The following PROK2 variants were observed in gnomAD, a reference collection of about 807,000 sequenced individuals.
The protein encoded by PROK2 is prokineticin-2.
A neutral mutation model predicts 14.2 loss-of-function variants in PROK2; 8 were observed. That is an observed-to-expected ratio of 0.56 (90% CI 0.33 to 1.02). PROK2 has a LOEUF of 1.02. Among genes scored for constraint, PROK2 ranks in the 50% least tolerant of loss-of-function variants. The pLI is 0.03. For synonymous variants in PROK2, 59 were observed against 60.7 expected (o/e 0.97, Z 0.13); for missense variants, 154 against 160.4 (o/e 0.96, Z 0.22).
chr3:71,773,904 G>C (rs1244310813), intron 3 of PROK2, among the ~76,000 whole-genome samples: 3 of 152,174 alleles, frequency 2.0e-5, no homozygotes, highest in African/African-American at 7.2e-5. Flanking sequence ...AATAAAGATA[G>C]CAAATGTTAT....
At chr3:71,776,363 C>CCTTTTTT (rs2050118816) in intron 2 of PROK2, among the ~76,000 whole-genome samples, 4 of 92,068 alleles carry the variant, frequency 4.3e-5, no homozygotes, top group African/African-American at 1.8e-4. Flanking sequence ...TTTCGCTTTT[C>CCTTTTTT]ATTTTTTTTT....
exon 1 of PROK2, chr3:71,785,142 GCGCGGCGGCTCCCGCGAGCCTCCGGGC>G: frequency 1.1e-6 from 1 of 887,946 alleles, no homozygotes; most frequent in Non-Finnish European, 1.5e-6. Flanking sequence ...GGGCGGACGG[GCGCGGCGGCTCCCGCGAGCCTCCGGGC>G]CGTTATAAAG....
intron 1 of PROK2, among the ~76,000 whole-genome samples, chr3:71,782,346 A>T (rs1306631641): frequency 6.6e-6 from 1 of 152,224 alleles, no homozygotes; most frequent in African/African-American, 2.4e-5. Flanking sequence ...AAGATCCATC[A>T]AATTAAGAAA....
chr3:71,782,521 C>A (rs2050168108), intron 1 of PROK2, among the ~76,000 whole-genome samples: 1 of 152,146 alleles, frequency 6.6e-6, no homozygotes, highest in Non-Finnish European at 1.5e-5. Flanking sequence ...GAAAATGGAT[C>A]TGAAGAACTA....
rs2050086293 is a variant in PROK2 at position 71,772,386 on chromosome 3, G to T, written c.*338C>A. On this transcript the variant is annotated 3_prime_UTR_variant, in exon 4 of 4. Coordinates refer to ENST00000295619, the MANE Select transcript of PROK2 (RefSeq NM_001126128.2). ...GGGGTGGTGAGAAAAAAAAAAAAAA[G>T]TTTTTCTAACAAAATATCAAATTCT... The T allele has an allele frequency of 2.0e-5, 5 of 250,532 alleles. No homozygotes were observed. The highest frequency in any genetic ancestry group is 1.5e-4 in the South Asian group (3 of 19,530). The allele number at this position is 250,532 out of a possible 1,614,324, so 15.5% of individuals were successfully genotyped here.
At chr3:71,779,766 C>T (rs994596451) in intron 2 of PROK2, among the ~76,000 whole-genome samples, 1 of 152,048 alleles carries the variant, frequency 6.6e-6, no homozygotes, top group Non-Finnish European at 1.5e-5. Context: ...GCCACCATGC[C>T]CAGCTAATTT....
rs1185726782 is a variant in PROK2 at position 71,771,722 on chromosome 3, A to T, written c.*1002T>A. 6.6e-6 allele frequency: 1 copy of T among 152,670 alleles called. No homozygotes were observed. The highest frequency in any genetic ancestry group is 1.5e-5 in the Non-Finnish European group (1 of 68,036). The allele number at this position is 152,670 out of a possible 1,614,324, so 9.5% of individuals were successfully genotyped here. On this transcript the variant is annotated 3_prime_UTR_variant, in exon 4 of 4. Transcript: ENST00000295619. The stretch of plus-strand genomic sequence containing the variant: ...TACAGTACTGTTATTATTCTGATAC[A>T]GAATTTTTACACAGCAATACTGATA...
intron 2 of PROK2, among the ~76,000 whole-genome samples, chr3:71,775,758 C>A (rs771700732): frequency 1.3e-5 from 2 of 152,144 alleles, no homozygotes; most frequent in African/African-American, 4.8e-5. Context: ...ACCACCAAGC[C>A]CAGACTCCAG....
intron 2 of PROK2, 24 bp from the exon 3 acceptor site, chr3:71,774,531 G>T: frequency 6.5e-7 from 1 of 1,548,360 alleles, no homozygotes; most frequent in Non-Finnish European, 8.7e-7. Context: ...GGAGACGATT[G>T]AGATCAATAA....
rs2050090253 is a variant in PROK2 at position 71,772,796 on chromosome 3, A to G, written c.318T>C (p.Thr106=). Residue 106 remains threonine (T), a synonymous_variant, in exon 4 of 4, where the codon ACT becomes ACC. Coordinates refer to ENST00000295619, the MANE Select transcript of PROK2 (RefSeq NM_001126128.2). ...AGGCCAAGCCTGGCAGACATGGGCA[A>G]GTGTGATGCATCCTCCGCCCAAAAA... ...VPFFGRRMHH[T]CPCLPGLACL... is the part of the protein sequence containing the mutation. The G allele has an allele frequency of 6.2e-7, 1 of 1,614,230 alleles. No individual in the cohort carries two copies. The highest frequency in any genetic ancestry group is 2.2e-5 in the East Asian group (1 of 44,886).
At chr3:71,772,911 A>G (rs2050091734) in intron 3 of PROK2, 83 bp from the exon 4 acceptor site, 2 of 1,139,784 alleles carry the variant, frequency 1.8e-6, no homozygotes, top group Non-Finnish European at 2.6e-6. Flanking sequence ...AGCTCTTTAA[A>G]TAACAATAAC....
At chr3:71,781,377 G>C in intron 2 of PROK2, 90 bp downstream of exon 2, 1 of 1,503,826 alleles carries the variant, frequency 6.6e-7, no homozygotes, top group Non-Finnish European at 9.2e-7. Context: ...TTTGTTTGTC[G>C]AGCACGTTAC....
intron 2 of PROK2, among the ~76,000 whole-genome samples, chr3:71,777,372 G>A (rs2050128186): frequency 6.6e-6 from 1 of 151,874 alleles, no homozygotes; most frequent in Non-Finnish European, 1.5e-5. Flanking sequence ...TTATATTTTA[G>A]TATTTTAAAA....
At chr3:71,777,513 AT>A (rs1259108552) in intron 2 of PROK2, among the ~76,000 whole-genome samples, 2 of 152,310 alleles carry the variant, frequency 1.3e-5, no homozygotes, top group South Asian at 2.1e-4. Flanking sequence ...AGTTAAAAAA[AT>A]AAAACAAGTA....
At chr3:71,783,629 T>C (rs987688617) in intron 1 of PROK2, among the ~76,000 whole-genome samples, 9 of 151,864 alleles carry the variant, frequency 5.9e-5, no homozygotes, top group Non-Finnish European at 1.0e-4. Context: ...AACAAAAAGA[T>C]ACTTATATTG....
At position 71,781,626 on chromosome 3, in the gene PROK2, T is replaced by A. The variant is rs766994839; in HGVS notation, c.97-34A>T. 4 of 1,599,388 alleles carry A rather than the reference T, an allele frequency of 2.5e-6. No homozygotes were observed. In the Admixed American group the frequency reaches 6.7e-5, roughly 27 times the overall value. On this transcript the variant is annotated intron_variant, in intron 1 of 3. Coordinates refer to ENST00000295619, the MANE Select transcript of PROK2 (RefSeq NM_001126128.2). ...TAATAAACAAACAGATAAATATAGA[T>A]AACAGGAAAGACTCAGGCTAAGGAA... is the stretch of plus-strand genomic sequence containing the variant.
intron 2 of PROK2, among the ~76,000 whole-genome samples, chr3:71,779,763 T>C (rs73092567): frequency 0.043 from 6,590 of 152,196 alleles, 209 homozygotes; most frequent in South Asian, 0.071. Context: ...TGTGCCACCA[T>C]GCCCAGCTAA....
chr3:71,773,524 T>G (rs2050096616), intron 3 of PROK2, among the ~76,000 whole-genome samples: 1 of 152,210 alleles, frequency 6.6e-6, no homozygotes, highest in Non-Finnish European at 1.5e-5. Context: ...TTTTATGGTA[T>G]CCTATCATTG....
intron 2 of PROK2, among the ~76,000 whole-genome samples, chr3:71,778,261 TA>T (rs1369910420): frequency 6.6e-6 from 1 of 152,052 alleles, no homozygotes; most frequent in Non-Finnish European, 1.5e-5. Flanking sequence ...GAATACCTGT[TA>T]AAACTATTAT....
Sources: gnomAD v4.1 joint callset for allele counts (sites outside exome capture counted in the v4.1 genomes callset) on GRCh38, gnomAD v4.1.1 for gene constraint, MANE v1.5 for transcripts, NCBI Gene and HGNC (gene_info 2026-07-23, HGNC 2026-07-21) for gene names.